Variants in THAP7 observed in about 807,000 individuals in gnomAD.
The protein encoded by THAP7 is THAP domain-containing protein 7.
In THAP7, 22 loss-of-function variants were observed where a neutral mutation model predicts 29.2. That is an observed-to-expected ratio of 0.75 (90% CI 0.54 to 1.08). The LOEUF (loss-of-function observed/expected upper bound fraction) is 1.08. THAP7 is among the 50% of genes least tolerant of loss of function. The pLI is 0.00. For missense variants in THAP7, 448 were observed against 416.2 expected (o/e 1.08, Z -0.66); for synonymous variants, 208 against 173.4 (o/e 1.20, Z -1.57).
In THAP7 at chr22:21,000,048, G is replaced by A. The variant is rs1031869800; in HGVS notation, c.762C>T (p.Ala254=). 1.2e-6 allele frequency: 2 copies of A among 1,612,860 alleles called. No individual in the cohort carries two copies. Among genetic ancestry groups the A allele is most frequent in the Non-Finnish European group, 1.7e-6 (2 of 1,179,966 alleles). The change falls in exon 4 of 4, where the codon GCC becomes GCT. Residue 254 remains alanine, a synonymous_variant. Transcript: ENST00000215742. The stretch of plus-strand genomic sequence containing the variant: ...GCTTGCAGGCCTGCAGCTGGCGCTG[G>A]GCCTTGTCAAGGGCATCAAGGGCTG... ...AEAALDALDK[A]QRQLQACKRR...
At chr22:21,001,107 C>T (rs1484208252) in intron 2 of THAP7, 149 bp downstream of exon 2, 25 of 1,187,778 alleles carry the variant, frequency 2.1e-5, no homozygotes, top group Non-Finnish European at 2.7e-5. Context: ...GCACAGTGAT[C>T]CTGGGGGTGG....
Position 20,999,834 on chromosome 22 carries a change from A to T in THAP7, c.*46T>A, listed in dbSNP as rs1407592730. On this transcript the variant is annotated 3_prime_UTR_variant, in exon 4 of 4. Transcript: ENST00000215742. Reference sequence around the variant, plus strand: ...GTCTGGTGGGATCTGAGGGAGGAAGAGGCTGCAGTCTTGCTGGGCAGCCCC... The same window carrying T: ...GTCTGGTGGGATCTGAGGGAGGAAGTGGCTGCAGTCTTGCTGGGCAGCCCC... The T allele has an allele frequency of 6.4e-7, 1 of 1,553,908 alleles. No individual in the cohort carries two copies. The highest frequency in any genetic ancestry group is 1.2e-5 in the South Asian group (1 of 84,272).
Position 21,002,018 on chromosome 22 carries a change from C to G in THAP7, c.-107G>C, listed in dbSNP as rs549246915. The stretch of plus-strand genomic sequence containing the variant: ...CCAAGGGGCTCTGGCCTGTCGGGTC[C>G]CCCCCGGCCCGTTGTCGCCCCAACC... On this transcript the variant is annotated 5_prime_UTR_variant, in exon 1 of 4. Coordinates refer to ENST00000215742, the MANE Select transcript of THAP7 (RefSeq NM_030573.3). The G allele has an allele frequency of 7.0e-6, 8 of 1,136,456 alleles. No homozygotes were observed. In the South Asian group the frequency reaches 8.3e-5, roughly 12 times the overall value. 70.4% of individuals were successfully genotyped at this position (1,136,456 alleles called of 1,614,324 possible).
Position 20,999,765 on chromosome 22 carries a change from G to T in THAP7, c.*115C>A. The T allele has an allele frequency of 1.6e-6, 2 of 1,275,654 alleles. No homozygotes were observed. The highest frequency in any genetic ancestry group is 2.1e-6 in the Non-Finnish European group (2 of 944,812). The allele number at this position is 1,275,654 out of a possible 1,614,324, so 79.0% of individuals were successfully genotyped here. On this transcript the variant is annotated 3_prime_UTR_variant, in exon 4 of 4. Transcript: ENST00000215742. ...CTCCAGCCCCCAGCTGAGCCAGACA[G>T]CAGGCCCTCCGTCTAGAATCCGCTT...
chr22:21,000,853 C>T, intron 2 of THAP7, 66 bp from the exon 3 acceptor site: 3 of 1,602,802 alleles, frequency 1.9e-6, no homozygotes, highest in Non-Finnish European at 2.6e-6. Context: ...AATCTGCCCC[C>T]AGCAGCAGCG....
rs1056371139 is a variant in THAP7, at chr22:21,000,393, T to A, written c.417A>T (p.Pro139=). 3.9e-6 allele frequency: 6 copies of A among 1,550,646 alleles called. No individual in the cohort carries two copies. In the Admixed American group the frequency reaches 9.8e-5, roughly 25 times the overall value. The part of the protein sequence containing the change: ...EGRGPTTPFS[P]PPPADVTCFP... Reference sequence around the variant, plus strand: ...AGCAGGTGACATCAGCAGGTGGAGGTGGAGAAAATGGAGTTGTGGGCCCTC... The same window carrying A: ...AGCAGGTGACATCAGCAGGTGGAGGAGGAGAAAATGGAGTTGTGGGCCCTC... The change falls in exon 4 of 4, where the codon CCA becomes CCT. Residue 139 remains proline, a synonymous_variant. Transcript: ENST00000215742.
Position 21,000,077 on chromosome 22 carries a change from C to G in THAP7, c.733G>C (p.Glu245Gln). The change falls in exon 4 of 4, where the codon GAG (glutamate) becomes CAG (glutamine). Residue 245 changes from glutamate to glutamine, a missense_variant. By Grantham distance (29) the Glu-to-Gln change is conservative. Coordinates refer to ENST00000215742, the MANE Select transcript of THAP7 (RefSeq NM_030573.3). ...GSALLWKRRA[E>Q]AALDALDKAQ... ...TTGTCAAGGGCATCAAGGGCTGCCT[C>G]GGCTCGCCGCTTCCAGAGTAAGGCG... 6.2e-7 allele frequency: 1 copy of G among 1,612,822 alleles called. No individual in the cohort carries two copies. The highest frequency in any genetic ancestry group is 8.5e-7 in the Non-Finnish European group (1 of 1,179,936).
Position 21,001,399 on chromosome 22 carries a change from C to G in THAP7, c.93G>C (p.Lys31Asn). ...GCCACAAGCCTCGCCTCGGGTTGTC[C>G]TTCTTGGGAAGTCTGTGGAGCCACA... is the stretch of plus-strand genomic sequence containing the variant. ...RGISFHRLPKKDNPRRGLWLA... is the reference protein window; with the variant it reads ...RGISFHRLPKNDNPRRGLWLA... The change falls in exon 2 of 4, where the codon AAG becomes AAC. Residue 31 changes from lysine to asparagine, a missense_variant. Coordinates refer to ENST00000215742, the MANE Select transcript of THAP7 (RefSeq NM_030573.3). The G allele has an allele frequency of 6.2e-7, 1 of 1,613,696 alleles. No individual in the cohort carries two copies. The highest frequency in any genetic ancestry group is 8.5e-7 in the Non-Finnish European group (1 of 1,179,964).
chr22:21,000,575 G>A, intron 3 of THAP7, 72 bp downstream of exon 3: 6 of 1,602,512 alleles, frequency 3.7e-6, no homozygotes, highest in Admixed American at 1.7e-5. Context: ...CGAGACTGCT[G>A]GCAGACACCC....
rs1321270238 is a variant in THAP7 at position 20,999,866 on chromosome 22, A to C, written c.*14T>G. On this transcript the variant is annotated 3_prime_UTR_variant, in exon 4 of 4. Transcript: ENST00000215742. Reference sequence around the variant, plus strand: ...AGTCTTGCTGGGCAGCCCCTCGGTCAGTCCAGCAGCCCCTCAGGCCATGCT... The same window carrying C: ...AGTCTTGCTGGGCAGCCCCTCGGTCCGTCCAGCAGCCCCTCAGGCCATGCT... 2.5e-6 allele frequency: 4 copies of C among 1,591,766 alleles called. No individual in the cohort carries two copies. In the East Asian group the frequency reaches 6.7e-5, roughly 27 times the overall value.
chr22:21,000,711 T>C lies in THAP7; in HGVS notation c.313A>G (p.Thr105Ala). 6.2e-7 allele frequency: 1 copy of C among 1,614,122 alleles called. No individual in the cohort carries two copies. Among genetic ancestry groups the C allele is most frequent in the Non-Finnish European group, 8.5e-7 (1 of 1,180,010 alleles). ...SFSKLRRTTK[T>A]KGHSYPPGPA... ...CCAGGTGGGTAACTGTGTCCTTTGG[T>C]CTTGGTTGTCCGGCGCAACTTGGAG... Residue 105 changes from threonine (T) to alanine (A), a missense_variant, in exon 3 of 4, where the codon ACC becomes GCC. Physicochemically the swap from Thr to Ala is moderately conservative, Grantham distance 58. Transcript: ENST00000215742.
In THAP7 at chr22:21,002,096, T is replaced by C; in HGVS notation, c.-185A>G. ...GTCAGCGGCACTCACGCTCTGGCCA[T>C]TGCTGCGCCGCCGAAGTCTCGCGAG... On this transcript the variant is annotated 5_prime_UTR_variant, in exon 1 of 4. It removes an upstream start codon present in the reference 5' UTR. Coordinates refer to ENST00000215742, the MANE Select transcript of THAP7 (RefSeq NM_030573.3). The C allele has an allele frequency of 1.7e-6, 1 of 581,566 alleles. No homozygotes were observed. The highest frequency in any genetic ancestry group is 2.9e-6 in the Non-Finnish European group (1 of 344,388). The allele number at this position is 581,566 out of a possible 1,614,324, so 36.0% of individuals were successfully genotyped here.
At chr22:21,001,553 C>A in intron 1 of THAP7, 142 bp from the exon 2 acceptor site, 1 of 1,295,048 alleles carries the variant, frequency 7.7e-7, no homozygotes, top group Non-Finnish European at 1.0e-6. Flanking sequence ...CACCACCGCC[C>A]GGGCACAGAC....
chr22:20,999,885 C>T lies in THAP7; in HGVS notation c.925G>A (p.Ala309Thr), dbSNP rs937662706. Residue 309 changes from alanine to threonine, a missense_variant, in exon 4 of 4, where the codon GCC becomes ACC. Ala to Thr is a moderately conservative substitution (Grantham distance 58). Transcript: ENST00000215742. ...DFAMQLSSSM[A>T] ...TCGGTCAGTCCAGCAGCCCCTCAGGCCATGCTGCTGCTCAGCTGCATGGCA... is the reference window on the plus strand; with the variant it reads ...TCGGTCAGTCCAGCAGCCCCTCAGGTCATGCTGCTGCTCAGCTGCATGGCA... 2.2e-5 allele frequency: 36 copies of T among 1,604,742 alleles called. No homozygotes were observed. Among genetic ancestry groups the T allele is most frequent in the Admixed American group, 1.0e-4 (6 of 59,910 alleles).
chr22:21,001,506 G>A (rs1366168160), intron 1 of THAP7, 95 bp from the exon 2 acceptor site: 32 of 1,501,540 alleles, frequency 2.1e-5, no homozygotes, highest in Non-Finnish European at 2.8e-5. Flanking sequence ...CCCAACACGC[G>A]CCGCCACGAG....
chr22:21,000,618 G>C (rs1925105894), intron 3 of THAP7, 29 bp downstream of exon 3: 1 of 1,613,572 alleles, frequency 6.2e-7, no homozygotes, highest in Non-Finnish European at 8.5e-7. Flanking sequence ...AGGGGTGGGA[G>C]TGGGGCATCC....
In THAP7 at chr22:21,001,965, G is replaced by T; in HGVS notation, c.-54C>A. 1 of 1,486,144 alleles carries T rather than the reference G, an allele frequency of 6.7e-7. No individual in the cohort carries two copies. Among genetic ancestry groups the T allele is most frequent in the Non-Finnish European group, 9.0e-7 (1 of 1,112,136 alleles). The allele number at this position is 1,486,144 out of a possible 1,614,324, so 92.1% of individuals were successfully genotyped here. A position where few individuals can be genotyped will look rare whatever the true frequency, so the allele number is the denominator to read the frequency against. On this transcript the variant is annotated 5_prime_UTR_variant, in exon 1 of 4. Coordinates refer to ENST00000215742, the MANE Select transcript of THAP7 (RefSeq NM_030573.3). ...AGCGGCTCTCCGGGCATCCGGAGGAGCCTCGCGCCTCCAGCCGCCGCTCCT... is the reference window on the plus strand; with the variant it reads ...AGCGGCTCTCCGGGCATCCGGAGGATCCTCGCGCCTCCAGCCGCCGCTCCT...
At position 21,001,237 on chromosome 22, in the gene THAP7, G is replaced by A. The variant is rs1925147255; in HGVS notation, c.236+19C>T. The A allele has an allele frequency of 6.2e-7, 1 of 1,607,290 alleles. No individual in the cohort carries two copies. On this transcript the variant is annotated intron_variant, in intron 2 of 3. Transcript: ENST00000215742. Reference sequence around the variant, plus strand: ...GAGCCCCACATCCTACCCCAGCGTCGGCCGGCAGGGAGGCCCACCTGATTC... The same window carrying A: ...GAGCCCCACATCCTACCCCAGCGTCAGCCGGCAGGGAGGCCCACCTGATTC...
At chr22:21,000,566 G>GA in intron 3 of THAP7, 81 bp downstream of exon 3, 1 of 1,596,714 alleles carries the variant, frequency 6.3e-7, no homozygotes, top group Non-Finnish European at 8.5e-7. Context: ...CCTGTCCAGC[G>GA]AGACTGCTGG....
Sources: gnomAD v4.1 joint callset for allele counts on GRCh38, gnomAD v4.1.1 for gene constraint, MANE v1.5 for transcripts, NCBI Gene and HGNC (gene_info 2026-07-23, HGNC 2026-07-21) for gene names.